The following RAB38 variants were observed in gnomAD, a reference collection of about 807,000 sequenced individuals.
RAB38 encodes the protein RAB38, member RAS oncogene family, also known as ras-related protein Rab-38.
RAB38 carries 15 observed loss-of-function variants against 18.4 expected under a neutral mutation model. The observed-to-expected ratio is 0.82, with a 90% confidence interval of 0.55 to 1.26. RAB38 has a LOEUF of 1.26. RAB38 is among the 50% of genes most tolerant of loss of function. The pLI, the probability that RAB38 is intolerant of heterozygous loss-of-function variation, is 0.00. For synonymous variants in RAB38, 101 were observed against 104.4 expected, an observed-to-expected ratio of 0.97 and a Z score of 0.20; for missense variants, 294 against 267.4, an observed-to-expected ratio of 1.10 and a Z score of -0.69.
chr11:88,068,290 A>G, the RAB38 span, among the ~76,000 whole-genome samples: 1 of 152,094 alleles, frequency 6.6e-6, no homozygotes, highest in East Asian at 1.9e-4. Flanking sequence ...TTTAGCTAAT[A>G]TATCAGCTAT....
the RAB38 span, among the ~76,000 whole-genome samples, chr11:88,093,699 A>C: frequency 2.6e-5 from 4 of 151,888 alleles, no homozygotes; most frequent in African/African-American, 9.7e-5. Context: ...GTTTAAAATC[A>C]AAAGTGACTC....
At chr11:88,030,153 C>G in the RAB38 span, among the ~76,000 whole-genome samples, 3 of 152,100 alleles carry the variant, frequency 2.0e-5, no homozygotes, top group Non-Finnish European at 4.4e-5. Flanking sequence ...GAAATGAAGG[C>G]AGAAATAAAG....
the RAB38 span, among the ~76,000 whole-genome samples, chr11:88,052,935 T>TATATATATATATATATATC: frequency 1.0e-4 from 9 of 85,792 alleles, 1 homozygote; most frequent in East Asian, 7.3e-4. Context: ...TATATATATA[T>TATATATATATATATATATC]ATATATATAA....
chr11:87,975,777 G>A, the RAB38 span, among the ~76,000 whole-genome samples: 1 of 151,180 alleles, frequency 6.6e-6, no homozygotes, highest in Non-Finnish European at 1.5e-5. Flanking sequence ...TGTAGTAAGA[G>A]GTATAACAAA....
chr11:88,166,935 C>G (rs1433539494), intron 1 of RAB38: 1 of 152,102 alleles, frequency 6.6e-6, no homozygotes, highest in South Asian at 2.1e-4. Flanking sequence ...GGCATTGATA[C>G]AATAGTTGAC....
the RAB38 span, among the ~76,000 whole-genome samples, chr11:88,033,274 G>T: frequency 6.6e-6 from 1 of 151,912 alleles, no homozygotes; most frequent in South Asian, 2.1e-4. Context: ...TATACCTAAT[G>T]CTAGATGACG....
chr11:88,122,922 T>C (rs956358021), intron 2 of RAB38, among the ~76,000 whole-genome samples: 10 of 152,242 alleles, frequency 6.6e-5, no homozygotes, highest in African/African-American at 2.4e-4. Context: ...GCTTTAAAAC[T>C]TGGTTTTGCC....
At chr11:88,031,086 A>G in the RAB38 span, among the ~76,000 whole-genome samples, 21 of 149,604 alleles carry the variant, frequency 1.4e-4, no homozygotes, top group South Asian at 2.1e-4. Flanking sequence ...ACACAAATCA[A>G]TAAATGTAAT....
chr11:87,828,960 G>A, the RAB38 span, among the ~76,000 whole-genome samples: 10 of 152,156 alleles, frequency 6.6e-5, no homozygotes, highest in Non-Finnish European at 5.9e-5. Context: ...ACAATCTTTA[G>A]TGAAAGATAC....
At chr11:87,856,987 A>G in the RAB38 span, among the ~76,000 whole-genome samples, 1 of 151,970 alleles carries the variant, frequency 6.6e-6, no homozygotes, top group Non-Finnish European at 1.5e-5. Flanking sequence ...TACATTAGGT[A>G]TATCTCCTAA....
chr11:87,929,728 C>A, the RAB38 span, among the ~76,000 whole-genome samples: 2 of 132,610 alleles, frequency 1.5e-5, no homozygotes, highest in Admixed American at 8.0e-5. Flanking sequence ...CCCCACCCCA[C>A]AACAGGCCCC....
At chr11:88,147,514 T>C (rs932249774) in intron 2 of RAB38, among the ~76,000 whole-genome samples, 10 of 150,748 alleles carry the variant, frequency 6.6e-5, no homozygotes, top group Non-Finnish European at 1.3e-4. Context: ...TGGAGTGAAA[T>C]TGAGTGTGGC....
the RAB38 span, among the ~76,000 whole-genome samples, chr11:88,038,534 A>G: frequency 1.3e-5 from 2 of 152,118 alleles, no homozygotes; most frequent in African/African-American, 2.4e-5. Flanking sequence ...GGCAAAACAT[A>G]TTTCCTCACA....
chr11:88,126,185 A>G (rs1942692481), intron 2 of RAB38, among the ~76,000 whole-genome samples: 1 of 152,108 alleles, frequency 6.6e-6, no homozygotes, highest in African/African-American at 2.4e-5. Flanking sequence ...CTTAGGATTG[A>G]CTTGGCAATG....
chr11:87,924,765 T>C, the RAB38 span, among the ~76,000 whole-genome samples: 4 of 152,028 alleles, frequency 2.6e-5, no homozygotes, highest in Non-Finnish European at 5.9e-5. Context: ...CCTTGGGTCA[T>C]ACAGGTAGGA....
the RAB38 span, among the ~76,000 whole-genome samples, chr11:87,871,088 TAAAGC>T: frequency 3.3e-5 from 5 of 151,640 alleles, no homozygotes; most frequent in Non-Finnish European, 7.4e-5. Context: ...ATGTAAAAAT[TAAAGC>T]AAACAAATTT....
At chr11:88,075,575 T>A in the RAB38 span, among the ~76,000 whole-genome samples, 2 of 152,282 alleles carry the variant, frequency 1.3e-5, no homozygotes, top group East Asian at 3.9e-4. Context: ...TAAACACCTA[T>A]ATCAAAAAGA....
the RAB38 span, among the ~76,000 whole-genome samples, chr11:87,952,774 A>C: frequency 4.6e-5 from 7 of 152,192 alleles, no homozygotes; most frequent in Non-Finnish European, 7.4e-5. Context: ...GACTTCCAGG[A>C]CTTTTTGTCT....
the RAB38 span, among the ~76,000 whole-genome samples, chr11:88,033,744 T>C: frequency 2.7e-5 from 4 of 147,712 alleles, no homozygotes; most frequent in Non-Finnish European, 6.0e-5. Context: ...TTTTTTTTTT[T>C]TGAGATGGAG....
Sources: allele counts gnomAD v4.1 joint callset (sites outside exome capture counted in the v4.1 genomes callset), GRCh38; gene constraint gnomAD v4.1.1; transcripts MANE v1.5; gene names NCBI Gene and HGNC (gene_info 2026-07-23, HGNC 2026-07-21).